Variants in EHBP1 observed in about 807,000 individuals in gnomAD.
EHBP1 encodes EH domain binding protein 1.
A neutral mutation model predicts 144.0 loss-of-function variants in EHBP1; 55 were observed. The ratio of observed to expected loss-of-function variants is 0.38; its 90% CI spans 0.31 to 0.48. The LOEUF is 0.48. Among genes scored for constraint, EHBP1 ranks in the 20% least tolerant of loss-of-function variants. The pLI, the probability that EHBP1 is intolerant of heterozygous loss-of-function variation, is 0.98. For synonymous variants in EHBP1, 469 were observed against 472.7 expected (o/e 0.99, Z 0.10); for missense variants, 1,200 against 1,364.2 (o/e 0.88, Z 1.90).
rs13008356 is a variant in EHBP1, at chr2:62,859,376, A to G, written c.757+85A>G. On this transcript the variant is annotated intron_variant, in intron 8 of 22. Coordinates refer to ENST00000431489, the MANE Select transcript of EHBP1 (RefSeq NM_001142616.3). ...GGGCAGGAAAATATTTTCTTCAGAG[A>G]CTAACACACAAAAAATTATTGTTTA... The G allele has an allele frequency of 1.4e-5, 18 of 1,273,972 alleles. No individual in the cohort carries two copies. The South Asian group carries it at 2.5e-4, about 18-fold the overall frequency. The allele number at this position is 1,273,972 out of a possible 1,614,324, so 78.9% of individuals were successfully genotyped here.
rs1268564834 is a variant in EHBP1, at chr2:62,832,421, A to AT, written c.634+1272dup. Among the ~76,000 whole-genome samples, 785 of 129,582 alleles carry AT rather than the reference A, an allele frequency of 6.1e-3. 12 individuals carry two copies. Among genetic ancestry groups the AT allele is most frequent in the African/African-American group, 0.021 (734 of 35,114 alleles). 85.0% of individuals were successfully genotyped at this position (129,582 alleles called of 152,430 possible). ...AACTTTGCTTTATTGCACTTCACAGATTTTTTTTTCTTTTTTCTTTTTTTT... is the reference window on the plus strand; with the variant it reads ...AACTTTGCTTTATTGCACTTCACAGATTTTTTTTTTCTTTTTTCTTTTTTTT... On this transcript the variant is annotated intron_variant, in intron 7 of 22. Coordinates refer to ENST00000431489, the MANE Select transcript of EHBP1 (RefSeq NM_001142616.3).
chr2:62,761,486 C>T (rs1171707420), intron 3 of EHBP1, among the ~76,000 whole-genome samples: 1 of 152,086 alleles, frequency 6.6e-6, no homozygotes, highest in Non-Finnish European at 1.5e-5. Flanking sequence ...ATAAGATTTG[C>T]ATGGACCTAA....
chr2:62,721,946 A>T (rs553655715), intron 2 of EHBP1, among the ~76,000 whole-genome samples: 1 of 152,164 alleles, frequency 6.6e-6, no homozygotes, highest in Non-Finnish European at 1.5e-5. Flanking sequence ...TTGCAAACAC[A>T]ATACAAATAA....
At chr2:62,898,426 A>G (rs886649355) in intron 10 of EHBP1, among the ~76,000 whole-genome samples, 4 of 152,192 alleles carry the variant, frequency 2.6e-5, no homozygotes, top group Non-Finnish European at 4.4e-5. Context: ...ATCTTGATGT[A>G]TATATTATCT....
chr2:62,859,038 A>G, intron 7 of EHBP1, 131 bp from the exon 8 acceptor site: 2 of 793,964 alleles, frequency 2.5e-6, no homozygotes, highest in East Asian at 2.8e-5. Flanking sequence ...GCATTCTGTC[A>G]TTGGTAAAAT....
intron 2 of EHBP1, among the ~76,000 whole-genome samples, chr2:62,739,546 TG>T (rs2038486493): frequency 6.6e-6 from 1 of 152,186 alleles, no homozygotes; most frequent in Non-Finnish European, 1.5e-5. Flanking sequence ...TGGGTGATAC[TG>T]TAAAACAATA....
intron 10 of EHBP1, among the ~76,000 whole-genome samples, chr2:62,875,446 C>A (rs1481522612): frequency 6.6e-6 from 1 of 152,194 alleles, no homozygotes; most frequent in Non-Finnish European, 1.5e-5. Context: ...ATACCATAGT[C>A]AAACCTTCAA....
At chr2:62,834,341 T>C (rs1573597706) in intron 7 of EHBP1, among the ~76,000 whole-genome samples, 1 of 152,204 alleles carries the variant, frequency 6.6e-6, no homozygotes, top group Admixed American at 6.5e-5. Context: ...GAGGATTCAA[T>C]TGATGCAGCA....
rs547874747 is a variant in EHBP1 at position 62,915,446 on chromosome 2, A to G, written c.1186-27272A>G. 1.5e-4 allele frequency among the ~76,000 whole-genome samples: 23 copies of G among 152,256 alleles called. No homozygotes were observed. The South Asian group carries it at 2.3e-3, about 15-fold the overall frequency. Reference sequence around the variant, plus strand: ...GTAAATAACATGCATCCCATTTTATATGGATTTTAATTTTCTCTTTTTTAT... The same window carrying G: ...GTAAATAACATGCATCCCATTTTATGTGGATTTTAATTTTCTCTTTTTTAT... On this transcript the variant is annotated intron_variant, in intron 10 of 22. Coordinates refer to ENST00000431489, the MANE Select transcript of EHBP1 (RefSeq NM_001142616.3).
chr2:62,835,633 G>A lies in EHBP1; in HGVS notation c.634+4475G>A, dbSNP rs867830431. On this transcript the variant is annotated intron_variant, in intron 7 of 22. Transcript: ENST00000431489. ...ACAGTGGGCGCAGGCCAGTGGGTGC[G>A]CGCACCGTGCGCGAGCCGAAGCAGG... Among the ~76,000 whole-genome samples the A allele has an allele frequency of 1.1e-3, 166 of 152,234 alleles. 1 individual carries two copies. The highest frequency in any genetic ancestry group is 0.01 in the South Asian group (50 of 4,820).
At chr2:62,857,673 AG>A (rs2049164862) in intron 7 of EHBP1, among the ~76,000 whole-genome samples, 2 of 152,168 alleles carry the variant, frequency 1.3e-5, no homozygotes, top group African/African-American at 2.4e-5. Flanking sequence ...TTCTTATTTG[AG>A]TAGTCTAATT....
intron 10 of EHBP1, among the ~76,000 whole-genome samples, chr2:62,897,616 G>A (rs1484532601): frequency 6.6e-6 from 1 of 151,960 alleles, no homozygotes; most frequent in Non-Finnish European, 1.5e-5. Flanking sequence ...ACTTTTTCCT[G>A]AGCTCTGCCT....
At chr2:62,840,694 C>T (rs1402295402) in intron 7 of EHBP1, among the ~76,000 whole-genome samples, 2 of 151,416 alleles carry the variant, frequency 1.3e-5, no homozygotes, top group Non-Finnish European at 3.0e-5. Context: ...TGAACAGACA[C>T]TTCTCAAAAG....
chr2:62,816,568 A>G (rs1413692003), intron 5 of EHBP1, among the ~76,000 whole-genome samples: 1 of 152,204 alleles, frequency 6.6e-6, no homozygotes, highest in Non-Finnish European at 1.5e-5. Context: ...TTTTGGATAT[A>G]TGCTGTTTAC....
At chr2:62,815,035 A>G (rs2045335535) in intron 5 of EHBP1, among the ~76,000 whole-genome samples, 1 of 152,232 alleles carries the variant, frequency 6.6e-6, no homozygotes, top group Non-Finnish European at 1.5e-5. Flanking sequence ...AAGACATAAA[A>G]CAATAATAGT....
At chr2:62,741,979 A>G (rs1055446139) in intron 2 of EHBP1, among the ~76,000 whole-genome samples, 5 of 152,058 alleles carry the variant, frequency 3.3e-5, no homozygotes, top group Admixed American at 6.6e-5. Flanking sequence ...ATAATACTGT[A>G]TTTTTTACTG....
intron 10 of EHBP1, among the ~76,000 whole-genome samples, chr2:62,942,235 A>C: frequency 6.6e-6 from 1 of 152,184 alleles, no homozygotes; most frequent in East Asian, 1.9e-4. Context: ...TTTACTTAAA[A>C]TGCATATATG....
intron 14 of EHBP1, among the ~76,000 whole-genome samples, chr2:62,959,294 G>T (rs1295382376): frequency 1.3e-5 from 2 of 152,128 alleles, no homozygotes; most frequent in South Asian, 2.1e-4. Context: ...CATTTAGGTG[G>T]TTTTCACATC....
At chr2:62,836,871 C>A (rs1275664916) in intron 7 of EHBP1, among the ~76,000 whole-genome samples, 1 of 151,206 alleles carries the variant, frequency 6.6e-6, no homozygotes, top group East Asian at 1.9e-4. Flanking sequence ...GATTGGTGTA[C>A]CTGAAAGTGA....
Sources: gnomAD v4.1 joint callset for allele counts (sites outside exome capture counted in the v4.1 genomes callset) on GRCh38, gnomAD v4.1.1 for gene constraint, MANE v1.5 for transcripts, NCBI Gene and HGNC (gene_info 2026-07-23, HGNC 2026-07-21) for gene names.